The following AASS variants were observed in gnomAD, a reference collection of about 807,000 sequenced individuals.
AASS encodes alpha-aminoadipic semialdehyde synthase, mitochondrial.
Under a neutral mutation model 105.4 loss-of-function variants are expected in AASS, and 86 were observed. The ratio of observed to expected loss-of-function variants is 0.82; its 90% CI spans 0.69 to 0.98. The LOEUF (loss-of-function observed/expected upper bound fraction) is 0.98. Ranked by LOEUF, AASS falls within the 50% of genes least tolerant of loss-of-function variation. The pLI is 0.00. For synonymous variants in AASS, 381 were observed against 394.8 expected, an observed-to-expected ratio of 0.96 and a Z score of 0.41; for missense variants, 1,048 against 1,143.2, an observed-to-expected ratio of 0.92 and a Z score of 1.20.
chr7:122,098,861 C>T lies in AASS; in HGVS notation c.1412G>A (p.Arg471His), dbSNP rs767641851. 24 of 1,394,530 alleles carry T rather than the reference C, an allele frequency of 1.7e-5. No homozygotes were observed. Among genetic ancestry groups the T allele is most frequent in the Admixed American group, 8.7e-5 (4 of 46,184 alleles). 86.4% of individuals were successfully genotyped at this position (1,394,530 alleles called of 1,614,324 possible). A position where few individuals can be genotyped will look rare whatever the true frequency, so the allele number is the denominator to read the frequency against. Reference protein sequence around the residue: ...YIQTLRESRERAQSLSMGTRR... With the variant: ...YIQTLRESREHAQSLSMGTRR... The stretch of plus-strand genomic sequence containing the variant: ...GGTGCCCATTGAAAGTGACTGAGCA[C>T]GTTCCCTATTTAAAAAAAAAAAAAA... The change falls in exon 14 of 24, where the codon CGT becomes CAT. Residue 471 changes from arginine to histidine, a missense_variant. Transcript: ENST00000417368.
At position 122,073,855 on chromosome 7, in the gene AASS, T is replaced by G. The variant is rs1297569043; in HGVS notation, c.*2634A>C. Among the ~76,000 whole-genome samples the G allele has an allele frequency of 1.3e-5, 2 of 152,208 alleles. No homozygotes were observed. Among genetic ancestry groups the G allele is most frequent in the African/African-American group, 4.8e-5 (2 of 41,448 alleles). The stretch of plus-strand genomic sequence containing the variant: ...AATATGTGGCCTTTCATGTCTGGCA[T>G]TCTTCACTTGATATGTTTTCAAGGT... On this transcript the variant is annotated 3_prime_UTR_variant, in exon 24 of 24. Transcript: ENST00000417368.
chr7:122,101,668 C>T lies in AASS; in HGVS notation c.1291G>A (p.Ala431Thr), dbSNP rs771862141. Residue 431 changes from alanine (A) to threonine (T), a missense_variant, in exon 12 of 24, where the codon GCG becomes ACG. Physicochemically the swap from Ala to Thr is moderately conservative, Grantham distance 58. Transcript: ENST00000417368. Reference protein sequence around the residue: ...PYVEEMILSDATQPLESQNFS... With the variant: ...PYVEEMILSDTTQPLESQNFS... ...TTCTGACTTTCAAGAGGCTGTGTCGCGTCTGATAATATCTGAAAGGAAAAT... is the reference window on the plus strand; with the variant it reads ...TTCTGACTTTCAAGAGGCTGTGTCGTGTCTGATAATATCTGAAAGGAAAAT... 37 of 1,610,930 alleles carry T rather than the reference C, an allele frequency of 2.3e-5. 1 individual carries two copies. Among genetic ancestry groups the T allele is most frequent in the African/African-American group, 1.1e-4 (8 of 74,738 alleles).
intron 11 of AASS, among the ~76,000 whole-genome samples, chr7:122,108,447 T>C (rs1794773679): frequency 1.3e-5 from 2 of 151,970 alleles, no homozygotes; most frequent in African/African-American, 4.8e-5. Flanking sequence ...AAACCAAATT[T>C]AACAGCATAT....
Position 122,079,628 on chromosome 7 carries a change from C to T in AASS, c.2365G>A (p.Gly789Arg). Residue 789 changes from glycine (G) to arginine (R), a missense_variant, in exon 21 of 24, where the codon GGA becomes AGA. Transcript: ENST00000417368. Reference protein sequence around the residue: ...LKEAVLKKLGGDNTQLEAAEW... With the variant: ...LKEAVLKKLGRDNTQLEAAEW... ...GCAGCCTCCAACTGGGTATTGTCTC[C>T]TCCTAGTTTCTTAAGAACAGCTTCC... 1.2e-6 allele frequency: 2 copies of T among 1,613,924 alleles called. No individual in the cohort carries two copies. Among genetic ancestry groups the T allele is most frequent in the Non-Finnish European group, 1.7e-6 (2 of 1,179,840 alleles).
chr7:122,114,899 AT>A (rs200164682), intron 9 of AASS, among the ~76,000 whole-genome samples, 174 bp downstream of exon 9: 2 of 152,200 alleles, frequency 1.3e-5, no homozygotes, highest in African/African-American at 4.8e-5. Flanking sequence ...ATACAATAAA[AT>A]TTTAAAAAAA....
Position 122,099,808 on chromosome 7 carries a change from G to C in AASS, c.1407-942C>G, listed in dbSNP as rs570898500. ...ATAAATATAAGTATAAAAAATTCCT[G>C]TCCTTCTGTATCCCAACACACATAT... is the stretch of plus-strand genomic sequence containing the variant. On this transcript the variant is annotated intron_variant, in intron 13 of 23. Coordinates refer to ENST00000417368, the MANE Select transcript of AASS (RefSeq NM_005763.4). Among the ~76,000 whole-genome samples, 21 of 151,780 alleles carry C rather than the reference G, an allele frequency of 1.4e-4. 1 individual carries two copies. The highest frequency in any genetic ancestry group is 1.4e-3 in the Admixed American group (21 of 15,190).
chr7:122,082,279 C>T (rs1367655958), intron 19 of AASS, among the ~76,000 whole-genome samples: 1 of 152,184 alleles, frequency 6.6e-6, no homozygotes, highest in Non-Finnish European at 1.5e-5. Context: ...TCTAGCCTAA[C>T]TCACAGATCT....
intron 1 of AASS, among the ~76,000 whole-genome samples, chr7:122,142,181 C>A (rs1017201677): frequency 3.9e-5 from 6 of 152,128 alleles, no homozygotes; most frequent in African/African-American, 1.4e-4. Flanking sequence ...GTGCATCATG[C>A]GCAAAATGAG....
chr7:122,078,647 TAA>T (rs1484451506), intron 22 of AASS, among the ~76,000 whole-genome samples: 1 of 152,058 alleles, frequency 6.6e-6, no homozygotes, highest in Non-Finnish European at 1.5e-5. Flanking sequence ...AAATAAATAG[TAA>T]AACTATTTTT....
At chr7:122,096,189 T>G (rs992512554) in intron 15 of AASS, among the ~76,000 whole-genome samples, 3 of 152,280 alleles carry the variant, frequency 2.0e-5, no homozygotes, top group African/African-American at 7.2e-5. Context: ...AATTACTACT[T>G]TGTATTAAAT....
chr7:122,127,729 C>T (rs971514617), intron 3 of AASS, among the ~76,000 whole-genome samples: 1 of 152,070 alleles, frequency 6.6e-6, no homozygotes, highest in African/African-American at 2.4e-5. Context: ...ATCCTCTGCC[C>T]TAATCTCGGA....
chr7:122,113,093 T>C, intron 11 of AASS, 25 bp downstream of exon 11: 1 of 1,553,100 alleles, frequency 6.4e-7, no homozygotes, highest in Non-Finnish European at 8.9e-7. Context: ...CACAGAGTTG[T>C]TACTGATATT....
chr7:122,078,158 C>A (rs1376358191), intron 22 of AASS, 144 bp from the exon 23 acceptor site: 3 of 798,834 alleles, frequency 3.8e-6, no homozygotes, highest in Non-Finnish European at 4.2e-6. Context: ...AGCTTTTTAG[C>A]CCAAAGTCAA....
intron 3 of AASS, among the ~76,000 whole-genome samples, chr7:122,128,922 C>T (rs1041291030): frequency 7.2e-5 from 11 of 152,134 alleles, no homozygotes; most frequent in African/African-American, 2.4e-4. Flanking sequence ...ACTAAAAATA[C>T]AAAAAATTAG....
At chr7:122,115,320 A>C in intron 8 of AASS, 98 bp from the exon 9 acceptor site, 4 of 1,441,358 alleles carry the variant, frequency 2.8e-6, no homozygotes, top group Non-Finnish European at 2.9e-6. Context: ...AGAAATAATT[A>C]AATGTAACTT....
rs1792972732 is a variant in AASS, at chr7:122,075,774, A to T, written c.*715T>A. On this transcript the variant is annotated 3_prime_UTR_variant, in exon 24 of 24. Transcript: ENST00000417368. ...GAGAAAACTATAAGGAACTATATTT[A>T]CAAAATAAATCATAACTTTACAAAA... is the stretch of plus-strand genomic sequence containing the variant. The T allele has an allele frequency of 6.6e-6, 1 of 152,204 alleles. No homozygotes were observed. Among genetic ancestry groups the T allele is most frequent in the Non-Finnish European group, 1.5e-5 (1 of 68,030 alleles). The allele number at this position is 152,204 out of a possible 1,614,324, so 9.4% of individuals were successfully genotyped here.
chr7:122,101,525 A>C (rs1443176187), intron 12 of AASS, 87 bp from the exon 13 acceptor site: 1 of 1,477,502 alleles, frequency 6.8e-7, no homozygotes, highest in Non-Finnish European at 9.5e-7. Context: ...GAAAAGACAG[A>C]ATGACAAAGA....
At position 122,116,989 on chromosome 7, in the gene AASS, A is replaced by C. The variant is rs753326418; in HGVS notation, c.688-32T>G. On this transcript the variant is annotated intron_variant, in intron 6 of 23. Transcript: ENST00000417368. ...ATAACACATGAGTAAAAATCCAAAA[A>C]TCAATAGAAAAAGAACCAACATGGT... 3 of 1,583,392 alleles carry C rather than the reference A, an allele frequency of 1.9e-6. No individual in the cohort carries two copies. The South Asian group carries it at 3.3e-5, about 17-fold the overall frequency.
intron 23 of AASS, among the ~76,000 whole-genome samples, chr7:122,077,630 G>A (rs931152405): frequency 7.2e-5 from 11 of 152,170 alleles, no homozygotes; most frequent in South Asian, 2.1e-4. Context: ...GGAACTGAGC[G>A]GAAGCGGAAG....
Sources: allele counts gnomAD v4.1 joint callset (sites outside exome capture counted in the v4.1 genomes callset), GRCh38; gene constraint gnomAD v4.1.1; transcripts MANE v1.5; gene names NCBI Gene and HGNC (gene_info 2026-07-23, HGNC 2026-07-21).